MTHFD1: variants seen among roughly 807,000 people sequenced by gnomAD.
MTHFD1 encodes C-1-tetrahydrofolate synthase, cytoplasmic.
In MTHFD1, 44 loss-of-function variants were observed where a neutral mutation model predicts 110.3. That is an observed-to-expected ratio of 0.40 (90% CI 0.31 to 0.51). MTHFD1 has a LOEUF of 0.51. Among genes scored for constraint, MTHFD1 ranks in the 20% least tolerant of loss-of-function variants. The pLI is 0.60. For missense variants in MTHFD1, 909 were observed against 1,173.1 expected, an observed-to-expected ratio of 0.77 and a Z score of 3.29; for synonymous variants, 402 against 428.8, an observed-to-expected ratio of 0.94 and a Z score of 0.77.
intron 2 of MTHFD1, among the ~76,000 whole-genome samples, chr14:64,407,551 T>C (rs1369227118): frequency 4.6e-5 from 7 of 150,990 alleles, no homozygotes; most frequent in African/African-American, 1.7e-4. Flanking sequence ...TCTCTCTTTT[T>C]TTTTTTTTTT....
chr14:64,394,447 C>T (rs1316152283), intron 1 of MTHFD1, among the ~76,000 whole-genome samples: 2 of 152,148 alleles, frequency 1.3e-5, no homozygotes, highest in South Asian at 2.1e-4. Context: ...GGTTGGGAAG[C>T]ACCCAAACAG....
At chr14:64,429,668 A>G (rs999554221) in intron 12 of MTHFD1, among the ~76,000 whole-genome samples, 3 of 152,148 alleles carry the variant, frequency 2.0e-5, no homozygotes, top group African/African-American at 7.2e-5. Context: ...TCTGGAAAAC[A>G]AAAACCCAAA....
chr14:64,411,917 A>T (rs1596537621), intron 3 of MTHFD1, among the ~76,000 whole-genome samples: 1 of 152,052 alleles, frequency 6.6e-6, no homozygotes, highest in African/African-American at 2.4e-5. Flanking sequence ...AAAAAAGACG[A>T]TATAGACAAG....
rs143732489 is a variant in MTHFD1 at position 64,414,401 on chromosome 14, C to T, written c.241-957C>T. ...CCGCTTCCTGGGTTCAAGCGATTCT[C>T]ATGCCTCAGCCTCCTGAGAGGCTGA... is the stretch of plus-strand genomic sequence containing the variant. On this transcript the variant is annotated intron_variant, in intron 4 of 27. Coordinates refer to ENST00000652337, the MANE Select transcript of MTHFD1 (RefSeq NM_005956.4). Among the ~76,000 whole-genome samples the T allele has an allele frequency of 5.6e-3, 846 of 150,754 alleles. 7 individuals carry two copies. The highest frequency in any genetic ancestry group is 0.02 in the African/African-American group (811 of 40,976).
intron 12 of MTHFD1, among the ~76,000 whole-genome samples, chr14:64,428,455 T>C (rs1327422506): frequency 6.6e-6 from 1 of 151,632 alleles, no homozygotes; most frequent in Non-Finnish European, 1.5e-5. Context: ...TTATGATAGG[T>C]TCTTAGAGTT....
chr14:64,430,599 A>T (rs944843700), intron 13 of MTHFD1, among the ~76,000 whole-genome samples: 1 of 152,150 alleles, frequency 6.6e-6, no homozygotes, highest in African/African-American at 2.4e-5. Flanking sequence ...CCCAGCCTAG[A>T]TTCTTTATTA....
intron 9 of MTHFD1, among the ~76,000 whole-genome samples, chr14:64,425,299 A>G (rs1398420931): frequency 1.4e-5 from 2 of 143,382 alleles, no homozygotes; most frequent in East Asian, 2.0e-4. Flanking sequence ...CGCAACCTCC[A>G]TCTCCCTGAT....
chr14:64,419,872 A>C lies in MTHFD1; in HGVS notation c.674A>C (p.Glu225Ala). 6.2e-7 allele frequency: 1 copy of C among 1,613,992 alleles called. No homozygotes were observed. The highest frequency in any genetic ancestry group is 8.5e-7 in the Non-Finnish European group (1 of 1,179,960). Residue 225 changes from glutamate to alanine, a missense_variant, in exon 8 of 28, where the codon GAG becomes GCG. This residue lies in a region of MTHFD1 where 424 missense variants were observed against 510.4 expected (regional missense o/e 0.83). Transcript: ENST00000652337. ...ATGQPEMVKG[E>A]WIKPGAIVID... ...GGTCAGCCTGAAATGGTTAAAGGGG[A>C]GTGGATCAAACCTGGGGCAATAGTC... is the stretch of plus-strand genomic sequence containing the variant.
chr14:64,439,103 T>C lies in MTHFD1; in HGVS notation c.1605T>C (p.Asp535=). 7 of 1,613,530 alleles carry C rather than the reference T, an allele frequency of 4.3e-6. No individual in the cohort carries two copies. Among genetic ancestry groups the C allele is most frequent in the Non-Finnish European group, 5.9e-6 (7 of 1,179,432 alleles). ...CTTGCCTGTCTGCTGTAGTGTTGGA[T>C]ACCAATGATAGATTCCTGAGGAAGA... is the stretch of plus-strand genomic sequence containing the variant. ...PETITWQRVL[D]TNDRFLRKIT... is the part of the protein sequence containing the mutation. The change falls in exon 17 of 28, where the codon GAT becomes GAC. Residue 535 remains aspartate, a synonymous_variant. Coordinates refer to ENST00000652337, the MANE Select transcript of MTHFD1 (RefSeq NM_005956.4).
chr14:64,426,962 A>G (rs1566565324), intron 11 of MTHFD1, among the ~76,000 whole-genome samples: 1 of 152,046 alleles, frequency 6.6e-6, no homozygotes, highest in East Asian at 1.9e-4. Context: ...TACAGGAATC[A>G]TTTTTTTTCT....
At position 64,460,007 on chromosome 14, in the gene MTHFD1, C is replaced by T; in HGVS notation, c.*253C>T. The T allele has an allele frequency of 1.6e-6, 2 of 1,273,872 alleles. No homozygotes were observed. The highest frequency in any genetic ancestry group is 2.2e-6 in the Non-Finnish European group (2 of 924,594). The allele number at this position is 1,273,872 out of a possible 1,614,324, so 78.9% of individuals were successfully genotyped here. On this transcript the variant is annotated 3_prime_UTR_variant, in exon 28 of 28. Transcript: ENST00000652337. ...GAATAAAAGGAAACAAGTTTGCCAT[C>T]TTGGTGTTGCAATATGAATTACAGC...
At chr14:64,449,383 A>G in intron 23 of MTHFD1, 62 bp from the exon 24 acceptor site, 1 of 1,577,522 alleles carries the variant, frequency 6.3e-7, no homozygotes, top group Non-Finnish European at 8.7e-7. Context: ...AATGGCAAAA[A>G]GAAGACAATT....
chr14:64,436,616 GC>G (rs1816735443), intron 16 of MTHFD1, among the ~76,000 whole-genome samples: 1 of 152,160 alleles, frequency 6.6e-6, no homozygotes, highest in African/African-American at 2.4e-5. Flanking sequence ...ATCCACTCAT[GC>G]AGAATAGAGC....
rs903799100 is a variant in MTHFD1 at position 64,424,854 on chromosome 14, G to A, written c.778G>A (p.Glu260Lys). The change falls in exon 9 of 28, where the codon GAG (glutamate) becomes AAG (lysine). Residue 260 changes from glutamate to lysine, a missense_variant. By Grantham distance (56) the Glu-to-Lys change is moderately conservative. This residue lies in a region of MTHFD1 where 424 missense variants were observed against 510.4 expected (regional missense o/e 0.83). Coordinates refer to ENST00000652337, the MANE Select transcript of MTHFD1 (RefSeq NM_005956.4). ...RKVVGDVAYD[E>K]AKERASFITP... ...AGTTGTGGGTGATGTGGCATACGAC[G>A]AGGCCAAAGAGAGGGCGAGCTTCAT... 2.5e-6 allele frequency: 4 copies of A among 1,614,160 alleles called. No individual in the cohort carries two copies. The highest frequency in any genetic ancestry group is 1.7e-5 in the Admixed American group (1 of 60,002).
intron 22 of MTHFD1, among the ~76,000 whole-genome samples, chr14:64,446,072 T>C (rs1393014906): frequency 6.6e-6 from 1 of 152,240 alleles, no homozygotes; most frequent in African/African-American, 2.4e-5. Context: ...TGTATTTTTA[T>C]AGAAGACTCT....
At chr14:64,455,205 A>G in intron 26 of MTHFD1, 1 of 362,286 alleles carries the variant, frequency 2.8e-6, no homozygotes, top group South Asian at 2.3e-5. Flanking sequence ...ATCACAGTTA[A>G]TGTTTATTGG....
chr14:64,394,261 C>T (rs1386821616), intron 1 of MTHFD1, among the ~76,000 whole-genome samples: 2 of 151,986 alleles, frequency 1.3e-5, no homozygotes, highest in Non-Finnish European at 2.9e-5. Flanking sequence ...AGTGACTTGC[C>T]CAGGTGTTCC....
chr14:64,449,321 C>A, intron 23 of MTHFD1, 124 bp from the exon 24 acceptor site: 1 of 1,171,306 alleles, frequency 8.5e-7, no homozygotes, highest in Non-Finnish European at 1.3e-6. Flanking sequence ...CAAACCCAGG[C>A]CAAATTTCTT....
intron 3 of MTHFD1, among the ~76,000 whole-genome samples, chr14:64,411,897 A>C (rs1198511782): frequency 6.6e-6 from 1 of 152,080 alleles, no homozygotes; most frequent in Non-Finnish European, 1.5e-5. Context: ...GTGAAGCTCC[A>C]ACCAGAAAAA....
Sources: gnomAD v4.1 joint callset for allele counts (sites outside exome capture counted in the v4.1 genomes callset) on GRCh38, gnomAD v4.1.1 for gene constraint, gnomAD v4.1.1 regional missense constraint, MANE v1.5 for transcripts, NCBI Gene and HGNC (gene_info 2026-07-23, HGNC 2026-07-21) for gene names.